Variants in SLC4A4 observed in about 807,000 individuals in gnomAD.
SLC4A4 encodes the protein solute carrier family 4 member 4.
In SLC4A4, 27 loss-of-function variants were observed where a neutral mutation model predicts 111.5. The observed-to-expected ratio is 0.24, with a 90% CI of 0.18 to 0.33. The LOEUF (loss-of-function observed/expected upper bound fraction) is 0.33, where lower values mean the gene tolerates loss of function less well. SLC4A4 is among the 10% of genes least tolerant of loss of function. The probability of loss-of-function intolerance (pLI) is 1.00; values close to 1 mark genes in which losing one functional copy is unlikely to be tolerated. For synonymous variants in SLC4A4, 443 were observed against 463.4 expected (o/e 0.96, Z 0.57); for missense variants, 909 against 1,315.5 (o/e 0.69, Z 4.78).
chr4:71,086,587 C>T (rs1308568868), intron 1 of SLC4A4, among the ~76,000 whole-genome samples: 1 of 151,918 alleles, frequency 6.6e-6, no homozygotes, highest in Non-Finnish European at 1.5e-5. Context: ...CCATCAATAC[C>T]TAATTTATTG....
chr4:71,090,668 C>T lies in SLC4A4; in HGVS notation c.-64-2062C>T, dbSNP rs116153081. On this transcript the variant is annotated intron_variant, in intron 1 of 26. Coordinates refer to the SLC4A4 transcript ENST00000649996. Reference sequence around the variant, plus strand: ...TTTGTAGGCATGCAGCCAAAATACACGGATGCAATTGAAAGAAACAAGGGT... The same window carrying T: ...TTTGTAGGCATGCAGCCAAAATACATGGATGCAATTGAAAGAAACAAGGGT... Among the ~76,000 whole-genome samples, 366 of 152,224 alleles carry T rather than the reference C, an allele frequency of 2.4e-3. 7 individuals are homozygous for T. The highest frequency in any genetic ancestry group is 8.5e-3 in the African/African-American group (351 of 41,516).
At chr4:71,357,705 A>G (rs147604887) in intron 6 of SLC4A4, among the ~76,000 whole-genome samples, 4 of 152,274 alleles carry the variant, frequency 2.6e-5, no homozygotes, top group African/African-American at 9.6e-5. Flanking sequence ...AATAAAACCA[A>G]TCTGCTTTCT....
At chr4:71,566,904 T>G (rs1737521623) in intron 24 of SLC4A4, 100 bp from the exon 25 acceptor site, 2 of 879,880 alleles carry the variant, frequency 2.3e-6, no homozygotes, top group Non-Finnish European at 3.7e-6. Flanking sequence ...TCTTTTTTAC[T>G]CTTACCAGTT....
Position 71,245,437 on chromosome 4 carries a change from A to G in SLC4A4, c.73+8788A>G, listed in dbSNP as rs565021691. Reference sequence around the variant, plus strand: ...CTGAGAGATGATTTTGGGTTGGACAAGAGTGGGGACAAAAAAGATGGAGAC... The same window carrying G: ...CTGAGAGATGATTTTGGGTTGGACAGGAGTGGGGACAAAAAAGATGGAGAC... On this transcript the variant is annotated intron_variant, in intron 2 of 25. Coordinates refer to ENST00000264485, the MANE Select transcript of SLC4A4 (RefSeq NM_001098484.3). Among the ~76,000 whole-genome samples the G allele has an allele frequency of 2.5e-3, 376 of 152,250 alleles. 1 individual carries two copies. The highest frequency in any genetic ancestry group is 3.8e-3 in the Non-Finnish European group (260 of 68,014).
chr4:71,360,878 T>C, intron 6 of SLC4A4, among the ~76,000 whole-genome samples: 1 of 152,118 alleles, frequency 6.6e-6, no homozygotes, highest in Non-Finnish European at 1.5e-5. Flanking sequence ...CACGAAAAAT[T>C]AGGCTTGCAC....
chr4:71,255,423 G>T (rs1413820315), intron 3 of SLC4A4, 24 bp downstream of exon 3: 2 of 1,610,004 alleles, frequency 1.2e-6, no homozygotes, highest in Non-Finnish European at 1.7e-6. Flanking sequence ...GAGCGTTGGT[G>T]CCTCTCTCTG....
intron 18 of SLC4A4, 65 bp from the exon 19 acceptor site, chr4:71,546,285 G>A: frequency 7.2e-7 from 1 of 1,394,528 alleles, no homozygotes; most frequent in African/African-American, 1.4e-5. Context: ...ATTCCCCTCT[G>A]GAAATATGAC....
At chr4:71,109,791 C>A (rs1236126781) in intron 2 of SLC4A4, among the ~76,000 whole-genome samples, 1 of 152,096 alleles carries the variant, frequency 6.6e-6, no homozygotes, top group Non-Finnish European at 1.5e-5. Flanking sequence ...GATCTGTCGT[C>A]CTCGGCCTCC....
intron 1 of SLC4A4, among the ~76,000 whole-genome samples, chr4:71,192,341 C>T (rs562712973): frequency 3.7e-4 from 57 of 152,244 alleles, no homozygotes; most frequent in Non-Finnish European, 6.3e-4. Flanking sequence ...AAAGTAAATA[C>T]ATTAAAAAGA....
At chr4:71,066,393 G>A (rs533365546) in intron 1 of SLC4A4, among the ~76,000 whole-genome samples, 1 of 152,216 alleles carries the variant, frequency 6.6e-6, no homozygotes, top group East Asian at 1.9e-4. Flanking sequence ...AAGTGGCAAA[G>A]CTATGACTTT....
At chr4:71,275,245 A>G (rs745808491) in intron 3 of SLC4A4, among the ~76,000 whole-genome samples, 9 of 152,222 alleles carry the variant, frequency 5.9e-5, no homozygotes, top group Non-Finnish European at 8.8e-5. Context: ...GAGTGAAACT[A>G]TGAATGAATC....
At chr4:71,417,351 G>C (rs1321028030) in intron 7 of SLC4A4, among the ~76,000 whole-genome samples, 1 of 152,132 alleles carries the variant, frequency 6.6e-6, no homozygotes, top group Non-Finnish European at 1.5e-5. Flanking sequence ...GGGGTAGTCA[G>C]GGGAGTTAGT....
At chr4:71,262,801 C>T (rs1049863597) in intron 3 of SLC4A4, among the ~76,000 whole-genome samples, 1 of 151,890 alleles carries the variant, frequency 6.6e-6, no homozygotes, top group African/African-American at 2.4e-5. Flanking sequence ...TTCCCCTTTC[C>T]CCCCGGGTGT....
intron 1 of SLC4A4, among the ~76,000 whole-genome samples, chr4:71,069,760 T>A (rs1741618573): frequency 6.6e-6 from 1 of 152,242 alleles, no homozygotes. Context: ...TCTGGACAGT[T>A]ATTTACAACT....
chr4:71,204,880 G>T (rs1224220319), intron 1 of SLC4A4, among the ~76,000 whole-genome samples: 2 of 152,114 alleles, frequency 1.3e-5, no homozygotes, highest in Admixed American at 6.5e-5. Context: ...TAGAGAACAA[G>T]AAAGACAATG....
rs1426131429 is a variant in SLC4A4, at chr4:71,098,017, G to A, written c.-2+5225G>A. Among the ~76,000 whole-genome samples, 5 of 152,294 alleles carry A rather than the reference G, an allele frequency of 3.3e-5. No homozygotes were observed. The East Asian group carries it at 9.6e-4, about 29-fold the overall frequency. ...TTATAGTTTCTTTTGCTGTGCAGAAGCTCGTGTTTAATTGGATCACATTTG... is the reference window on the plus strand; with the variant it reads ...TTATAGTTTCTTTTGCTGTGCAGAAACTCGTGTTTAATTGGATCACATTTG... On this transcript the variant is annotated intron_variant, in intron 2 of 26. Transcript: ENST00000649996.
Position 71,289,184 on chromosome 4 carries a change from A to T in SLC4A4, c.253+33785A>T, listed in dbSNP as rs1316573801. Among the ~76,000 whole-genome samples the T allele has an allele frequency of 1.4e-4, 21 of 152,342 alleles. No individual in the cohort carries two copies. The East Asian group carries it at 3.5e-3, about 25-fold the overall frequency. ...TTCCTTTCAGCAGGTGGACAAGCTA[A>T]CAAGGAAAACATAATAAAGGAAATA... On this transcript the variant is annotated intron_variant, in intron 3 of 25. Transcript: ENST00000264485.
intron 5 of SLC4A4, 97 bp downstream of exon 5, chr4:71,350,169 A>G: frequency 8.2e-7 from 1 of 1,224,894 alleles, no homozygotes; most frequent in Non-Finnish European, 1.2e-6. Context: ...GCAGAGTTAA[A>G]TGTTTTATAA....
intron 7 of SLC4A4, among the ~76,000 whole-genome samples, chr4:71,411,471 C>T (rs1396011399): frequency 1.3e-5 from 2 of 151,936 alleles, no homozygotes; most frequent in Non-Finnish European, 2.9e-5. Flanking sequence ...CAAATAGTTG[C>T]CTATTTTAAT....
Sources: allele counts gnomAD v4.1 joint callset (sites outside exome capture counted in the v4.1 genomes callset), GRCh38; gene constraint gnomAD v4.1.1; transcripts MANE v1.5; gene names NCBI Gene and HGNC (gene_info 2026-07-23, HGNC 2026-07-21).